The following KCNIP1 variants were observed in gnomAD, a reference collection of about 807,000 sequenced individuals.
KCNIP1 encodes the protein A-type potassium channel modulatory protein KCNIP1.
Under a neutral mutation model 33.0 loss-of-function variants are expected in KCNIP1, and 18 were observed. The observed-to-expected ratio is 0.55, with a 90% CI of 0.38 to 0.81. The LOEUF is 0.81. Among genes scored for constraint, KCNIP1 ranks in the 30% least tolerant of loss-of-function variants. The probability of loss-of-function intolerance (pLI) is 0.00; values close to 1 mark genes in which losing one functional copy is unlikely to be tolerated. For missense variants in KCNIP1, 238 were observed against 271.6 expected, an observed-to-expected ratio of 0.88 and a Z score of 0.87; for synonymous variants, 93 against 98.3, an observed-to-expected ratio of 0.95 and a Z score of 0.32.
intron 1 of KCNIP1, among the ~76,000 whole-genome samples, chr5:170,363,052 A>T (rs1444782155): frequency 6.6e-6 from 1 of 152,242 alleles, no homozygotes; most frequent in Non-Finnish European, 1.5e-5. Flanking sequence ...GGGAAGGGCC[A>T]TCGCCATCCT....
At chr5:170,433,429 C>T (rs1233043784) in intron 1 of KCNIP1, among the ~76,000 whole-genome samples, 2 of 152,122 alleles carry the variant, frequency 1.3e-5, no homozygotes, top group Admixed American at 6.5e-5. Flanking sequence ...TCAGATGATC[C>T]GCCCGCCTCG....
chr5:170,443,888 A>T (rs1756049744), intron 1 of KCNIP1, among the ~76,000 whole-genome samples: 1 of 152,228 alleles, frequency 6.6e-6, no homozygotes, highest in Non-Finnish European at 1.5e-5. Context: ...AAAGGGAGTC[A>T]GGCCCAGGGC....
intron 1 of KCNIP1, among the ~76,000 whole-genome samples, chr5:170,583,072 C>T (rs1356576493): frequency 6.6e-6 from 1 of 152,326 alleles, no homozygotes; most frequent in East Asian, 1.9e-4. Flanking sequence ...GGAGGGCTTT[C>T]ACTCTCCTAA....
chr5:170,689,857 C>T lies in KCNIP1; in HGVS notation c.62-28901C>T, dbSNP rs141318001. ...AGGCCAGGAGCCCCCTTTCTGGATT[C>T]GCTGCTTCCACTCTTGTGTAGAATG... is the stretch of plus-strand genomic sequence containing the variant. On this transcript the variant is annotated intron_variant, in intron 1 of 7. Coordinates refer to ENST00000328939, the MANE Select transcript of KCNIP1 (RefSeq NM_014592.4). Among the ~76,000 whole-genome samples, 385 of 152,268 alleles carry T rather than the reference C, an allele frequency of 2.5e-3. 2 individuals are homozygous for T. The highest frequency in any genetic ancestry group is 8.5e-3 in the African/African-American group (355 of 41,546).
intron 1 of KCNIP1, among the ~76,000 whole-genome samples, chr5:170,373,394 C>T (rs896020557): frequency 6.6e-6 from 1 of 152,182 alleles, no homozygotes; most frequent in Non-Finnish European, 1.5e-5. Flanking sequence ...ACTAGGCTGG[C>T]AGTTCTGAAG....
chr5:170,712,863 G>A, intron 1 of KCNIP1: 1 of 1,613,966 alleles, frequency 6.2e-7, no homozygotes, highest in South Asian at 1.1e-5. Context: ...GACATCGCCT[G>A]GTGGTATTAC....
chr5:170,530,401 T>C (rs1755745253), intron 1 of KCNIP1, among the ~76,000 whole-genome samples: 1 of 152,228 alleles, frequency 6.6e-6, no homozygotes, highest in Non-Finnish European at 1.5e-5. Flanking sequence ...TCTTCCCATT[T>C]TGTAGATAAA....
At position 170,476,374 on chromosome 5, in the gene KCNIP1, A is replaced by G. The variant is rs79180576; in HGVS notation, c.88+122410A>G. On this transcript the variant is annotated intron_variant, in intron 1 of 7. Coordinates refer to the KCNIP1 transcript ENST00000377360. ...ATCGAAGTGTTGAACTGTCCTCTCA[A>G]TTCCAGCCGGAACAAACAGATTCTG... Among the ~76,000 whole-genome samples the G allele has an allele frequency of 9.3e-3, 1,409 of 152,306 alleles. 26 individuals carry two copies. The highest frequency in any genetic ancestry group is 0.032 in the African/African-American group (1,310 of 41,568).
rs1014695136 is a variant in KCNIP1 at position 170,366,428 on chromosome 5, C to A, written c.88+12464C>A. ...GGCTGGAACCACAAAGCCCCATGGA[C>A]AAGCAAGCTCTGGCACTACCTTTGA... is the stretch of plus-strand genomic sequence containing the variant. On this transcript the variant is annotated intron_variant, in intron 1 of 7. Transcript: ENST00000377360. 3.9e-5 allele frequency among the ~76,000 whole-genome samples: 6 copies of A among 152,234 alleles called. No individual in the cohort carries two copies. The East Asian group carries it at 1.2e-3, about 29-fold the overall frequency.
intron 1 of KCNIP1, among the ~76,000 whole-genome samples, chr5:170,609,190 G>A (rs1361382155): frequency 6.6e-6 from 1 of 152,176 alleles, no homozygotes; most frequent in African/African-American, 2.4e-5. Flanking sequence ...ATGAGAAGGC[G>A]CTTCCTCTCT....
At chr5:170,700,341 A>G (rs1763050802) in intron 1 of KCNIP1, among the ~76,000 whole-genome samples, 1 of 152,126 alleles carries the variant, frequency 6.6e-6, no homozygotes. Flanking sequence ...GCTCAACTGT[A>G]ATCAAACATT....
chr5:170,384,659 C>A (rs1201474438), intron 1 of KCNIP1, among the ~76,000 whole-genome samples: 1 of 152,204 alleles, frequency 6.6e-6, no homozygotes, highest in Non-Finnish European at 1.5e-5. Flanking sequence ...TGAGACTTAT[C>A]CTAAGGACAG....
At chr5:170,671,430 G>T (rs1761918943) in intron 1 of KCNIP1, among the ~76,000 whole-genome samples, 2 of 152,110 alleles carry the variant, frequency 1.3e-5, no homozygotes, top group African/African-American at 2.4e-5. Context: ...CCTAGTTAAT[G>T]CCTTTTCCTC....
At chr5:170,464,636 C>A (rs10064433) in intron 1 of KCNIP1, among the ~76,000 whole-genome samples, 7,293 of 152,256 alleles carry the variant, frequency 0.048, 404 homozygotes, top group African/African-American at 0.11. Context: ...TGGGGAATTG[C>A]TTGAGGTCAG....
intron 1 of KCNIP1, among the ~76,000 whole-genome samples, chr5:170,590,674 T>C (rs1030438842): frequency 6.6e-6 from 1 of 152,162 alleles, no homozygotes; most frequent in East Asian, 1.9e-4. Flanking sequence ...CCTGGGACTG[T>C]CTCCATTTCA....
intron 1 of KCNIP1, among the ~76,000 whole-genome samples, chr5:170,687,894 A>T (rs576679737): frequency 1.3e-5 from 2 of 152,362 alleles, no homozygotes; most frequent in South Asian, 4.1e-4. Flanking sequence ...CCAAAGACTG[A>T]GTTATCCAAC....
At chr5:170,458,054 T>C (rs1654452767) in intron 1 of KCNIP1, among the ~76,000 whole-genome samples, 1 of 152,204 alleles carries the variant, frequency 6.6e-6, no homozygotes, top group Non-Finnish European at 1.5e-5. Flanking sequence ...CAAAAGGCTC[T>C]GGAAACTCTC....
intron 1 of KCNIP1, among the ~76,000 whole-genome samples, chr5:170,652,330 A>G (rs1348201216): frequency 6.6e-6 from 1 of 152,038 alleles, no homozygotes; most frequent in African/African-American, 2.4e-5. Flanking sequence ...CTAAAAATAC[A>G]AAAAGTTAGC....
rs531050851 is a variant in KCNIP1, at chr5:170,409,922, G to A, written c.88+55958G>A. ...AACTTAGATCAGTGCCTAAAGTCTG[G>A]TAAATACTCAAAAACAAGTAGTAAA... On this transcript the variant is annotated intron_variant, in intron 1 of 7. Coordinates refer to the KCNIP1 transcript ENST00000377360. 5.9e-5 allele frequency among the ~76,000 whole-genome samples: 9 copies of A among 152,332 alleles called. No individual in the cohort carries two copies. In the East Asian group the frequency reaches 1.7e-3, roughly 29 times the overall value.
Sources: allele counts gnomAD v4.1 joint callset (sites outside exome capture counted in the v4.1 genomes callset), GRCh38; gene constraint gnomAD v4.1.1; transcripts MANE v1.5; gene names NCBI Gene and HGNC (gene_info 2026-07-23, HGNC 2026-07-21).